The following PLPP4 variants were observed in gnomAD, a reference collection of about 807,000 sequenced individuals.
The protein encoded by PLPP4 is diacylglycerol pyrophosphate like 2.
In PLPP4, 20 loss-of-function variants were observed where a neutral mutation model predicts 32.2. The observed-to-expected ratio is 0.62, with a 90% CI of 0.44 to 0.90. PLPP4 has a LOEUF of 0.90. Among genes scored for constraint, PLPP4 ranks in the 40% least tolerant of loss-of-function variants. The pLI, the probability that PLPP4 is intolerant of heterozygous loss-of-function variation, is 0.00. For synonymous variants in PLPP4, 127 were observed against 133.0 expected (o/e 0.95, Z 0.31); for missense variants, 257 against 353.1 (o/e 0.73, Z 2.18).
intron 3 of PLPP4, among the ~76,000 whole-genome samples, chr10:120,517,321 G>A (rs145529025): frequency 6.6e-6 from 1 of 152,294 alleles, no homozygotes; most frequent in African/African-American, 2.4e-5. Flanking sequence ...TTAATTATCA[G>A]GGTTTGTGGA....
intron 5 of PLPP4, among the ~76,000 whole-genome samples, chr10:120,530,554 A>G (rs1206461363): frequency 6.6e-6 from 1 of 152,164 alleles, no homozygotes; most frequent in Non-Finnish European, 1.5e-5. Flanking sequence ...TATCCGTCTT[A>G]TCTTTGCTAA....
At chr10:120,513,256 A>T (rs1402905939) in intron 2 of PLPP4, among the ~76,000 whole-genome samples, 1 of 152,138 alleles carries the variant, frequency 6.6e-6, no homozygotes. Flanking sequence ...TATCATGAGG[A>T]TGTAAGAGGC....
intron 5 of PLPP4, 150 bp from the exon 6 acceptor site, chr10:120,574,981 A>T (rs964802868): frequency 1.4e-6 from 1 of 709,588 alleles, no homozygotes; most frequent in Admixed American, 2.5e-5. Flanking sequence ...GCATGGTGCT[A>T]GCAGGAGCAC....
chr10:120,466,056 G>T (rs1564775051), intron 1 of PLPP4, among the ~76,000 whole-genome samples: 1 of 151,774 alleles, frequency 6.6e-6, no homozygotes, highest in Admixed American at 6.6e-5. Context: ...GGAACTGCTG[G>T]GTTCTTCATC....
intron 6 of PLPP4, among the ~76,000 whole-genome samples, chr10:120,582,194 C>T (rs1356379229): frequency 2.0e-5 from 3 of 152,334 alleles, no homozygotes; most frequent in Non-Finnish European, 4.4e-5. Context: ...GATATTGTCT[C>T]ACCGTTCTGG....
At chr10:120,493,579 C>T (rs1189781453) in intron 1 of PLPP4, among the ~76,000 whole-genome samples, 2 of 152,220 alleles carry the variant, frequency 1.3e-5, no homozygotes, top group East Asian at 3.8e-4. Flanking sequence ...CGCTGCCTTC[C>T]ATGCCCTGGG....
intron 5 of PLPP4, among the ~76,000 whole-genome samples, chr10:120,558,337 CATT>C (rs1439011222): frequency 1.3e-5 from 2 of 151,038 alleles, no homozygotes; most frequent in African/African-American, 4.8e-5. Flanking sequence ...TAATTTTGCT[CATT>C]ATTATTTTTT....
intron 1 of PLPP4, among the ~76,000 whole-genome samples, chr10:120,458,581 G>T (rs1220063129): frequency 6.6e-6 from 1 of 152,098 alleles, no homozygotes; most frequent in African/African-American, 2.4e-5. Context: ...TTCATCCAGA[G>T]TATTTATTCA....
At chr10:120,582,745 T>A (rs866074805) in intron 6 of PLPP4, among the ~76,000 whole-genome samples, 63 of 147,330 alleles carry the variant, frequency 4.3e-4, no homozygotes, top group Middle Eastern at 3.4e-3. Context: ...GGTTATACTG[T>A]AAATATTCCC....
chr10:120,582,751 T>TCCC (rs1849566412), intron 6 of PLPP4, among the ~76,000 whole-genome samples: 1 of 97,192 alleles, frequency 1.0e-5, no homozygotes, highest in Non-Finnish European at 2.0e-5. Context: ...ACTGTAAATA[T>TCCC]TCCCTCCCTC....
chr10:120,526,042 T>C (rs1453531101), intron 5 of PLPP4, among the ~76,000 whole-genome samples: 1 of 152,158 alleles, frequency 6.6e-6, no homozygotes, highest in Non-Finnish European at 1.5e-5. Flanking sequence ...TGATCTTATC[T>C]TTTTAGTATC....
intron 5 of PLPP4, among the ~76,000 whole-genome samples, chr10:120,547,885 A>G (rs1389474028): frequency 1.3e-5 from 2 of 152,122 alleles, no homozygotes; most frequent in South Asian, 2.1e-4. Flanking sequence ...TTGATTTTCT[A>G]TTTTTGAAAT....
Position 120,591,794 on chromosome 10 carries a change from G to A in PLPP4, c.*2292G>A, listed in dbSNP as rs1849999886. Among the ~76,000 whole-genome samples, 1 of 152,114 alleles carries A rather than the reference G, an allele frequency of 6.6e-6. No individual in the cohort carries two copies. Among genetic ancestry groups the A allele is most frequent in the Non-Finnish European group, 1.5e-5 (1 of 68,014 alleles). ...AAGATAAATGGCCAGGAAGTACTCTGCAAAGTAACAACAGAGTATTACTAA... is the reference window on the plus strand; with the variant it reads ...AAGATAAATGGCCAGGAAGTACTCTACAAAGTAACAACAGAGTATTACTAA... On this transcript the variant is annotated 3_prime_UTR_variant, in exon 7 of 7. Coordinates refer to ENST00000398250, the MANE Select transcript of PLPP4 (RefSeq NM_001030059.3).
At chr10:120,588,770 G>C (rs1664907947) in intron 6 of PLPP4, among the ~76,000 whole-genome samples, 1 of 152,232 alleles carries the variant, frequency 6.6e-6, no homozygotes, top group African/African-American at 2.4e-5. Flanking sequence ...GAAGGGCTGG[G>C]TGTGGAGGCT....
chr10:120,558,315 T>C (rs1346998906), intron 5 of PLPP4, among the ~76,000 whole-genome samples: 2 of 151,936 alleles, frequency 1.3e-5, no homozygotes, highest in Non-Finnish European at 2.9e-5. Flanking sequence ...CAGCATATGT[T>C]TTGTGATTTG....
intron 5 of PLPP4, among the ~76,000 whole-genome samples, chr10:120,562,578 G>T (rs959222214): frequency 6.6e-6 from 1 of 152,050 alleles, no homozygotes; most frequent in African/African-American, 2.4e-5. Context: ...TCTTTATCAG[G>T]TTCCTTCCAT....
intron 1 of PLPP4, among the ~76,000 whole-genome samples, chr10:120,501,441 G>C (rs1038848669): frequency 6.6e-6 from 1 of 152,120 alleles, no homozygotes; most frequent in Non-Finnish European, 1.5e-5. Flanking sequence ...TCTAATTTTT[G>C]TTTCTCTTCT....
chr10:120,484,677 A>G (rs1474050861), intron 1 of PLPP4, among the ~76,000 whole-genome samples: 1 of 152,192 alleles, frequency 6.6e-6, no homozygotes, highest in African/African-American at 2.4e-5. Context: ...ATACTGTTGC[A>G]TTGGGGACCA....
At chr10:120,545,959 C>G (rs1338421255) in intron 5 of PLPP4, among the ~76,000 whole-genome samples, 4 of 152,112 alleles carry the variant, frequency 2.6e-5, no homozygotes, top group Non-Finnish European at 5.9e-5. Context: ...AGTCTTCCAG[C>G]CTTTATCTTT....
Sources: allele counts gnomAD v4.1 joint callset (sites outside exome capture counted in the v4.1 genomes callset), GRCh38; gene constraint gnomAD v4.1.1; transcripts MANE v1.5; gene names NCBI Gene and HGNC (gene_info 2026-07-23, HGNC 2026-07-21).